Variants in UBE4B observed in about 807,000 individuals in gnomAD.
UBE4B encodes ubiquitination factor E4B.
A neutral mutation model predicts 148.1 loss-of-function variants in UBE4B; 27 were observed. The observed-to-expected ratio is 0.18, with a 90% CI of 0.13 to 0.25. The LOEUF (loss-of-function observed/expected upper bound fraction) is 0.25, where lower values mean the gene tolerates loss of function less well. Ranked by LOEUF, UBE4B falls within the 10% of genes least tolerant of loss-of-function variation. The pLI, the probability that UBE4B is intolerant of heterozygous loss-of-function variation, is 1.00. For synonymous variants in UBE4B, 596 were observed against 619.3 expected, an observed-to-expected ratio of 0.96 and a Z score of 0.56; for missense variants, 1,170 against 1,662.4, an observed-to-expected ratio of 0.70 and a Z score of 5.15.
rs923594195 is a variant in UBE4B at position 10,055,252 on chromosome 1, C to T, written c.25-16776C>T. On this transcript the variant is annotated intron_variant, in intron 1 of 27. Coordinates refer to ENST00000343090, the MANE Select transcript of UBE4B (RefSeq NM_001105562.3). ...GGAACAAATGCTTGTGAAAATGTCT[C>T]GTAGGCCACCTTTTCATCATTTTTT... is the stretch of plus-strand genomic sequence containing the variant. 4.6e-5 allele frequency among the ~76,000 whole-genome samples: 7 copies of T among 151,958 alleles called. No individual in the cohort carries two copies. In the East Asian group the frequency reaches 7.7e-4, roughly 17 times the overall value.
chr1:10,113,748 GCAAGGA>G (rs921679419), intron 7 of UBE4B, among the ~76,000 whole-genome samples: 4 of 152,094 alleles, frequency 2.6e-5, no homozygotes, highest in African/African-American at 9.7e-5. Context: ...CTGGCAGCTG[GCAAGGA>G]CCTATTGACA....
chr1:10,107,878 C>T (rs150684696), intron 7 of UBE4B, among the ~76,000 whole-genome samples: 2 of 152,066 alleles, frequency 1.3e-5, no homozygotes, highest in African/African-American at 2.4e-5. Flanking sequence ...GTGTCTGGCC[C>T]CAGAATTTTC....
At chr1:10,111,816 G>A (rs376925967) in intron 7 of UBE4B, among the ~76,000 whole-genome samples, 1 of 152,124 alleles carries the variant, frequency 6.6e-6, no homozygotes, top group Non-Finnish European at 1.5e-5. Flanking sequence ...AATTAGCTAG[G>A]CATGATGGCA....
intron 17 of UBE4B, among the ~76,000 whole-genome samples, chr1:10,143,524 TG>T (rs992682682): frequency 1.3e-5 from 2 of 152,192 alleles, no homozygotes; most frequent in African/African-American, 4.8e-5. Context: ...GTGATTATAT[TG>T]GGCCCTCCAA....
intron 1 of UBE4B, among the ~76,000 whole-genome samples, chr1:10,044,285 C>T (rs1289377372): frequency 6.6e-6 from 1 of 151,824 alleles, no homozygotes; most frequent in Non-Finnish European, 1.5e-5. Context: ...GAACTCCTGA[C>T]CTCAAATGAT....
intron 1 of UBE4B, among the ~76,000 whole-genome samples, chr1:10,064,148 C>A (rs1644340600): frequency 6.6e-6 from 1 of 152,138 alleles, no homozygotes; most frequent in African/African-American, 2.4e-5. Context: ...GCCTCCCAAT[C>A]TCTGCCGGCG....
chr1:10,080,924 AAGG>A (rs1413385221), intron 2 of UBE4B, among the ~76,000 whole-genome samples: 1 of 152,188 alleles, frequency 6.6e-6, no homozygotes, highest in Non-Finnish European at 1.5e-5. Context: ...GTGGATGAAG[AAGG>A]AGATGTTGAT....
intron 7 of UBE4B, among the ~76,000 whole-genome samples, chr1:10,114,513 A>T (rs565946785): frequency 6.6e-6 from 1 of 152,278 alleles, no homozygotes; most frequent in South Asian, 2.1e-4. Context: ...GCCAGTCAGC[A>T]GATACCAGAT....
chr1:10,070,892 G>T (rs1238292181), intron 1 of UBE4B, among the ~76,000 whole-genome samples: 1 of 152,096 alleles, frequency 6.6e-6, no homozygotes, highest in Non-Finnish European at 1.5e-5. Flanking sequence ...CATTGTTTTA[G>T]TGAATTAAAT....
chr1:10,056,481 C>T (rs1055249936), intron 1 of UBE4B, among the ~76,000 whole-genome samples: 11 of 152,278 alleles, frequency 7.2e-5, no homozygotes, highest in African/African-American at 2.2e-4. Context: ...GGGAATACAG[C>T]GGTGAATAAA....
At chr1:10,142,446 A>C (rs536484419) in intron 17 of UBE4B, among the ~76,000 whole-genome samples, 1 of 152,158 alleles carries the variant, frequency 6.6e-6, no homozygotes, top group Non-Finnish European at 1.5e-5. Flanking sequence ...CGAGGTGGGC[A>C]GATCACATGA....
intron 17 of UBE4B, among the ~76,000 whole-genome samples, chr1:10,142,718 T>C (rs1031454109): frequency 2.0e-5 from 3 of 151,872 alleles, no homozygotes; most frequent in Admixed American, 6.6e-5. Flanking sequence ...TAGGGGAGAA[T>C]CTCCTTTGCC....
chr1:10,086,080 T>C (rs1041989334), intron 2 of UBE4B, among the ~76,000 whole-genome samples: 1 of 152,184 alleles, frequency 6.6e-6, no homozygotes, highest in Non-Finnish European at 1.5e-5. Context: ...CACGCCATTC[T>C]CCTGCTTCAG....
rs1265579200 is a variant in UBE4B, at chr1:10,133,319, G to A, written c.2025+837G>A. 3.9e-5 allele frequency among the ~76,000 whole-genome samples: 6 copies of A among 152,164 alleles called. No individual in the cohort carries two copies. In the East Asian group the frequency reaches 5.8e-4, roughly 15 times the overall value. On this transcript the variant is annotated intron_variant, in intron 15 of 27. Coordinates refer to ENST00000343090, the MANE Select transcript of UBE4B (RefSeq NM_001105562.3). ...TGGTTCCACCGTTTACTAACTGCGG[G>A]ACCTTAGACAGTGACTCCTCTGTGC...
chr1:10,102,731 C>T (rs573500423), intron 4 of UBE4B, among the ~76,000 whole-genome samples: 3 of 151,878 alleles, frequency 2.0e-5, no homozygotes, highest in Non-Finnish European at 4.4e-5. Context: ...TTTTATGCTC[C>T]CCATAGATTG....
At chr1:10,047,458 A>T (rs1388982808) in intron 1 of UBE4B, among the ~76,000 whole-genome samples, 1 of 150,498 alleles carries the variant, frequency 6.6e-6, no homozygotes, top group Admixed American at 6.6e-5. Flanking sequence ...GTTCTATCCC[A>T]TAAGAGCATG....
chr1:10,177,113 G>C (rs978922930), intron 25 of UBE4B, among the ~76,000 whole-genome samples: 1 of 151,916 alleles, frequency 6.6e-6, no homozygotes, highest in Non-Finnish European at 1.5e-5. Context: ...TATTCTGGAT[G>C]CTAGGTCATA....
At chr1:10,165,594 C>G (rs1646234512) in intron 23 of UBE4B, among the ~76,000 whole-genome samples, 1 of 152,132 alleles carries the variant, frequency 6.6e-6, no homozygotes, top group African/African-American at 2.4e-5. Context: ...TGTTTCTGCT[C>G]TCAGCTTTGG....
intron 7 of UBE4B, among the ~76,000 whole-genome samples, chr1:10,108,703 A>C (rs1645163862): frequency 6.6e-6 from 1 of 152,216 alleles, no homozygotes. Context: ...AGGAATGTTG[A>C]TGCAAGGTTG....
Sources: gnomAD v4.1 joint callset for allele counts (sites outside exome capture counted in the v4.1 genomes callset) on GRCh38, gnomAD v4.1.1 for gene constraint, MANE v1.5 for transcripts, NCBI Gene and HGNC (gene_info 2026-07-23, HGNC 2026-07-21) for gene names.